Variants in CMIP observed in about 807,000 individuals in gnomAD.
CMIP encodes the protein C-Maf-inducing protein.
Under a neutral mutation model 97.3 loss-of-function variants are expected in CMIP, and 13 were observed. The observed-to-expected ratio is 0.13, with a 90% CI of 0.09 to 0.21. The LOEUF (loss-of-function observed/expected upper bound fraction) is 0.21. Among genes scored for constraint, CMIP ranks in the 10% least tolerant of loss-of-function variants. The pLI is 1.00. For missense variants in CMIP, 847 were observed against 1,024.9 expected, an observed-to-expected ratio of 0.83 and a Z score of 2.37; for synonymous variants, 538 against 436.3, an observed-to-expected ratio of 1.23 and a Z score of -2.91.
rs371024890 is a variant in CMIP, at chr16:81,557,916, C to G, written c.301-49651C>G. Among the ~76,000 whole-genome samples, 130 of 152,350 alleles carry G rather than the reference C, an allele frequency of 8.5e-4. 1 individual carries two copies. The South Asian group carries it at 0.025, about 29-fold the overall frequency. On this transcript the variant is annotated intron_variant, in intron 1 of 20. Coordinates refer to ENST00000537098, the MANE Select transcript of CMIP (RefSeq NM_198390.3). The stretch of plus-strand genomic sequence containing the variant: ...TCAGAACTCTTTTCATCTTATCAGA[C>G]AGAGACTCTGTCCCTGTTAAACACT...
At position 81,704,118 on chromosome 16, in the gene CMIP, A is replaced by G. The variant is rs753885193; in HGVS notation, c.2091+33A>G. On this transcript the variant is annotated intron_variant, in intron 18 of 20. Transcript: ENST00000537098. The stretch of plus-strand genomic sequence containing the variant: ...CTCCCGCCCTGCTGCAGTCCCCCAC[A>G]CCCTCCTCCTTCACCTCTGCACTCT... The G allele has an allele frequency of 2.6e-6, 4 of 1,516,804 alleles. No homozygotes were observed. In the South Asian group the frequency reaches 3.5e-5, roughly 13 times the overall value. 94.0% of individuals were successfully genotyped at this position (1,516,804 alleles called of 1,614,324 possible).
chr16:81,607,438 C>A, intron 1 of CMIP, 129 bp from the exon 2 acceptor site: 1 of 1,212,652 alleles, frequency 8.2e-7, no homozygotes, highest in Non-Finnish European at 1.2e-6. Flanking sequence ...ACCAGAGGTG[C>A]TGAGCTCCTG....
At chr16:81,490,151 G>C (rs533140486) in intron 1 of CMIP, among the ~76,000 whole-genome samples, 2 of 152,172 alleles carry the variant, frequency 1.3e-5, no homozygotes, top group Non-Finnish European at 2.9e-5. Flanking sequence ...TGTAGCTAAA[G>C]GTTCCTGTTC....
intron 1 of CMIP, among the ~76,000 whole-genome samples, chr16:81,587,262 G>A (rs56360425): frequency 0.031 from 4,687 of 152,334 alleles, 243 homozygotes; most frequent in African/African-American, 0.11. Flanking sequence ...ACTCTGATGG[G>A]GCCGCCCATT....
intron 1 of CMIP, among the ~76,000 whole-genome samples, chr16:81,477,449 C>G (rs1907996036): frequency 6.6e-6 from 1 of 152,202 alleles, no homozygotes; most frequent in African/African-American, 2.4e-5. Context: ...GCGTGAGCCA[C>G]CGCACCTAGC....
At chr16:81,550,940 T>G (rs186954137) in intron 1 of CMIP, among the ~76,000 whole-genome samples, 56 of 132,664 alleles carry the variant, frequency 4.2e-4, no homozygotes, top group African/African-American at 1.4e-3. Context: ...ATATCCCAGT[T>G]CCGTCACACA....
intron 10 of CMIP, among the ~76,000 whole-genome samples, chr16:81,678,953 A>G (rs1230408462): frequency 6.6e-6 from 1 of 152,252 alleles, no homozygotes; most frequent in African/African-American, 2.4e-5. Context: ...GCCTGGGCAC[A>G]TGTGCAAGGT....
intron 2 of CMIP, among the ~76,000 whole-genome samples, chr16:81,611,577 T>C (rs1445806340): frequency 6.6e-6 from 1 of 152,088 alleles, no homozygotes; most frequent in Admixed American, 6.5e-5. Flanking sequence ...CTTCCCCTTC[T>C]GTCCCCTCCT....
chr16:81,681,032 C>G (rs1431120006), intron 10 of CMIP, among the ~76,000 whole-genome samples: 1 of 152,236 alleles, frequency 6.6e-6, no homozygotes, highest in Non-Finnish European at 1.5e-5. Flanking sequence ...CCGCATCACC[C>G]AGCTGCCAGG....
chr16:81,518,239 C>T (rs914103251), intron 1 of CMIP: 3 of 152,250 alleles, frequency 2.0e-5, no homozygotes, highest in African/African-American at 7.2e-5. Context: ...GAAAATCTGT[C>T]ATAATTGTGA....
At chr16:81,641,794 G>A (rs866026410) in intron 3 of CMIP, among the ~76,000 whole-genome samples, 2 of 152,212 alleles carry the variant, frequency 1.3e-5, no homozygotes. Flanking sequence ...TTGGGAAACC[G>A]AGGAGGCGAG....
intron 3 of CMIP, among the ~76,000 whole-genome samples, chr16:81,628,568 CT>C (rs1567619729): frequency 6.6e-6 from 1 of 152,234 alleles, no homozygotes; most frequent in African/African-American, 2.4e-5. Context: ...GGTCACACAG[CT>C]GTTCAATGGC....
At chr16:81,701,533 C>T (rs1907406215) in intron 15 of CMIP, 127 bp from the exon 16 acceptor site, 2 of 1,332,846 alleles carry the variant, frequency 1.5e-6, no homozygotes, top group South Asian at 1.3e-5. Flanking sequence ...CAGGCTTACA[C>T]AGCCGGGGCT....
At chr16:81,599,981 T>G (rs964497261) in intron 1 of CMIP, among the ~76,000 whole-genome samples, 8 of 152,004 alleles carry the variant, frequency 5.3e-5, no homozygotes, top group Non-Finnish European at 5.9e-5. Flanking sequence ...CCTTCTGTCA[T>G]CATTAAAAAA....
intron 3 of CMIP, among the ~76,000 whole-genome samples, chr16:81,647,440 G>T (rs555318160): frequency 1.3e-5 from 2 of 152,088 alleles, no homozygotes; most frequent in East Asian, 3.9e-4. Flanking sequence ...GGGTTTCACC[G>T]CATGCTATAG....
intron 1 of CMIP, among the ~76,000 whole-genome samples, chr16:81,565,096 C>A (rs182402526): frequency 6.6e-6 from 1 of 152,010 alleles, no homozygotes; most frequent in Non-Finnish European, 1.5e-5. Flanking sequence ...TAGCTGATGG[C>A]AGGCTCAGTT....
chr16:81,593,947 C>A (rs1331001214), intron 1 of CMIP, among the ~76,000 whole-genome samples: 1 of 151,318 alleles, frequency 6.6e-6, no homozygotes, highest in East Asian at 1.9e-4. Flanking sequence ...TCTACCCTTA[C>A]CTTCCCCCTA....
rs747265055 is a variant in CMIP at position 81,495,486 on chromosome 16, G to C, written c.300+49945G>C. 3.1e-6 allele frequency: 5 copies of C among 1,613,266 alleles called. No individual in the cohort carries two copies. The South Asian group carries it at 4.4e-5, about 14-fold the overall frequency. On this transcript the variant is annotated intron_variant, in intron 1 of 20. Coordinates refer to ENST00000537098, the MANE Select transcript of CMIP (RefSeq NM_198390.3). Reference sequence around the variant, plus strand: ...TGGCGTCCGGGGAAGGATGGGACAGGCTGCTGAGGTACAGTCCCATGTGGG... The same window carrying C: ...TGGCGTCCGGGGAAGGATGGGACAGCCTGCTGAGGTACAGTCCCATGTGGG...
At chr16:81,619,118 C>T (rs1460799428) in intron 2 of CMIP, 2 of 152,236 alleles carry the variant, frequency 1.3e-5, no homozygotes, top group Admixed American at 6.5e-5. Context: ...CTTGAACCTG[C>T]ACCTGTAAGA....
Sources: gnomAD v4.1 joint callset for allele counts (sites outside exome capture counted in the v4.1 genomes callset) on GRCh38, gnomAD v4.1.1 for gene constraint, MANE v1.5 for transcripts, NCBI Gene and HGNC (gene_info 2026-07-23, HGNC 2026-07-21) for gene names.